The following SSH2 variants were observed in gnomAD, a reference collection of about 807,000 sequenced individuals.
The protein encoded by SSH2 is protein phosphatase Slingshot homolog 2.
SSH2 carries 37 observed loss-of-function variants against 135.2 expected under a neutral mutation model. The ratio of observed to expected loss-of-function variants is 0.27; its 90% CI spans 0.21 to 0.36. SSH2 has a LOEUF of 0.36. SSH2 is among the 10% of genes least tolerant of loss of function. The pLI, the probability that SSH2 is intolerant of heterozygous loss-of-function variation, is 1.00. For missense variants in SSH2, 1,408 were observed against 1,765.3 expected (o/e 0.80, Z 3.63); for synonymous variants, 628 against 646.2 (o/e 0.97, Z 0.43).
At chr17:29,779,898 C>T (rs539660271) in intron 3 of SSH2, among the ~76,000 whole-genome samples, 2 of 142,346 alleles carry the variant, frequency 1.4e-5, no homozygotes, top group Admixed American at 1.4e-4. Flanking sequence ...GAAAGCTCTA[C>T]TTTTGTTTAA....
At chr17:29,914,800 T>C (rs2066853331) in intron 1 of SSH2, among the ~76,000 whole-genome samples, 1 of 152,180 alleles carries the variant, frequency 6.6e-6, no homozygotes, top group African/African-American at 2.4e-5. Flanking sequence ...TCTTCAAATA[T>C]ACTTCATTAC....
intron 3 of SSH2, among the ~76,000 whole-genome samples, chr17:29,771,837 G>A (rs952747590): frequency 6.6e-6 from 1 of 152,142 alleles, no homozygotes; most frequent in Non-Finnish European, 1.5e-5. Context: ...AAGCCTTCGT[G>A]TATCAACTTC....
chr17:29,632,737 C>T lies in SSH2; in HGVS notation c.2457G>A (p.Arg819=), dbSNP rs1372577065. Residue 819 remains arginine (R), a synonymous_variant, in exon 16 of 16, where the codon AGG becomes AGA. Coordinates refer to ENST00000540801, the MANE Select transcript of SSH2 (RefSeq NM_001282129.2). The stretch of plus-strand genomic sequence containing the variant: ...CAGGTTTGTTCTCTGGAGTCTGGGC[C>T]CTCTCAAGGAGCAGCTCATGGATGC... The part of the protein sequence containing the change: ...KNSIHELLLE[R]AQTPENKPGH... 6.2e-7 allele frequency: 1 copy of T among 1,614,100 alleles called. No homozygotes were observed. Among genetic ancestry groups the T allele is most frequent in the African/African-American group, 1.3e-5 (1 of 74,996 alleles).
At chr17:29,799,702 C>A (rs929590127) in intron 2 of SSH2, among the ~76,000 whole-genome samples, 11 of 150,784 alleles carry the variant, frequency 7.3e-5, no homozygotes, top group African/African-American at 2.7e-4. Flanking sequence ...AGCAAAAACA[C>A]CCCTGATGCT....
chr17:29,638,977 C>A (rs2036034367), intron 14 of SSH2, among the ~76,000 whole-genome samples: 1 of 152,150 alleles, frequency 6.6e-6, no homozygotes, highest in African/African-American at 2.4e-5. Flanking sequence ...TTACCAAGTC[C>A]TCATAACTAG....
At chr17:29,919,805 A>G (rs2066943673) in intron 1 of SSH2, among the ~76,000 whole-genome samples, 2 of 152,042 alleles carry the variant, frequency 1.3e-5, no homozygotes, top group African/African-American at 2.4e-5. Context: ...AAACATGGAC[A>G]TGTGAATAGC....
intron 3 of SSH2, among the ~76,000 whole-genome samples, chr17:29,769,811 A>C (rs1348450338): frequency 6.6e-6 from 1 of 152,192 alleles, no homozygotes; most frequent in Non-Finnish European, 1.5e-5. Context: ...CAGTTTGACT[A>C]ATCTTGAATA....
intron 3 of SSH2, among the ~76,000 whole-genome samples, chr17:29,742,319 C>CTTTT (rs891136307): frequency 2.3e-5 from 3 of 129,694 alleles, no homozygotes; most frequent in African/African-American, 5.6e-5. Context: ...GCAAGTTCTT[C>CTTTT]TTTTTTTTTT....
At chr17:29,851,404 A>G (rs1298278356) in intron 1 of SSH2, among the ~76,000 whole-genome samples, 2 of 152,002 alleles carry the variant, frequency 1.3e-5, no homozygotes, top group Non-Finnish European at 2.9e-5. Context: ...CGGCCTGGCC[A>G]ATGTGGTCAA....
intron 11 of SSH2, among the ~76,000 whole-genome samples, chr17:29,658,651 T>C (rs2036890662): frequency 6.6e-6 from 1 of 151,992 alleles, no homozygotes; most frequent in Admixed American, 6.6e-5. Context: ...ACGGATCACC[T>C]GAGGTTGGGA....
At chr17:29,662,854 G>C (rs2037109105) in intron 11 of SSH2, among the ~76,000 whole-genome samples, 1 of 152,156 alleles carries the variant, frequency 6.6e-6, no homozygotes, top group Non-Finnish European at 1.5e-5. Context: ...TCTTGAAAAA[G>C]ATAATCAGCA....
At chr17:29,750,887 T>TA (rs1201409488) in intron 3 of SSH2, among the ~76,000 whole-genome samples, 1 of 151,868 alleles carries the variant, frequency 6.6e-6, no homozygotes, top group African/African-American at 2.4e-5. Flanking sequence ...TATTTTTTTT[T>TA]ACTCTTGAAA....
At chr17:29,703,499 G>A (rs971393199) in intron 3 of SSH2, among the ~76,000 whole-genome samples, 3 of 152,048 alleles carry the variant, frequency 2.0e-5, no homozygotes, top group Admixed American at 6.6e-5. Flanking sequence ...CGCCCACCTC[G>A]GCCTCCCAAA....
intron 1 of SSH2, among the ~76,000 whole-genome samples, chr17:29,892,632 T>C (rs1392001709): frequency 3.3e-5 from 5 of 152,130 alleles, no homozygotes; most frequent in Non-Finnish European, 5.9e-5. Context: ...AAATTTTTTT[T>C]TTGTAAATTA....
chr17:29,779,024 T>C (rs1396247375), intron 3 of SSH2, among the ~76,000 whole-genome samples: 1 of 152,072 alleles, frequency 6.6e-6, no homozygotes, highest in Non-Finnish European at 1.5e-5. Flanking sequence ...GTTTTTCTTA[T>C]ATCATGAATA....
intron 5 of SSH2, among the ~76,000 whole-genome samples, chr17:29,685,926 G>A (rs1202924365): frequency 2.0e-5 from 3 of 148,504 alleles, no homozygotes; most frequent in African/African-American, 5.0e-5. Context: ...TCGGCTCACC[G>A]CAACCTCTGC....
rs200843957 is a variant in SSH2, at chr17:29,852,554, A to AT, written c.64-3626dup. Among the ~76,000 whole-genome samples, 850 of 143,842 alleles carry AT rather than the reference A, an allele frequency of 5.9e-3. 3 individuals are homozygous for AT. The highest frequency in any genetic ancestry group is 9.3e-3 in the Admixed American group (132 of 14,250). 94.4% of individuals were successfully genotyped at this position (143,842 alleles called of 152,430 possible). ...TTTCCCTGCCTTCTGAAACCTGGTAATTTTTTTTTTTTTTTGAGACGGAGT... is the reference window on the plus strand; with the variant it reads ...TTTCCCTGCCTTCTGAAACCTGGTAATTTTTTTTTTTTTTTTGAGACGGAGT... On this transcript the variant is annotated intron_variant, in intron 1 of 15. Transcript: ENST00000540801.
chr17:29,670,406 T>C (rs559228432), intron 9 of SSH2, among the ~76,000 whole-genome samples: 3 of 152,302 alleles, frequency 2.0e-5, no homozygotes, highest in Non-Finnish European at 4.4e-5. Flanking sequence ...AAAAAGAAGG[T>C]CCTAGCAGCA....
intron 2 of SSH2, among the ~76,000 whole-genome samples, chr17:29,823,246 A>G (rs2042684544): frequency 6.6e-6 from 1 of 152,226 alleles, no homozygotes; most frequent in South Asian, 2.1e-4. Context: ...ATTTTTTAAA[A>G]ACATATGAGG....
Sources: allele counts gnomAD v4.1 joint callset (sites outside exome capture counted in the v4.1 genomes callset), GRCh38; gene constraint gnomAD v4.1.1; transcripts MANE v1.5; gene names NCBI Gene and HGNC (gene_info 2026-07-23, HGNC 2026-07-21).